The following VWDE variants were observed in gnomAD, a reference collection of about 807,000 sequenced individuals.
VWDE encodes von Willebrand factor D and EGF domain-containing protein.
A neutral mutation model predicts 178.4 loss-of-function variants in VWDE; 207 were observed. That is an observed-to-expected ratio of 1.16 (90% CI 1.04 to 1.30). The LOEUF (loss-of-function observed/expected upper bound fraction) is 1.30, where lower values mean the gene tolerates loss of function less well. VWDE is among the 50% of genes most tolerant of loss of function. The probability of loss-of-function intolerance (pLI) is 0.00; values close to 1 mark genes in which losing one functional copy is unlikely to be tolerated. For missense variants in VWDE, 2,287 were observed against 1,901.3 expected (o/e 1.20, Z -3.77); for synonymous variants, 738 against 651.4 (o/e 1.13, Z -2.02).
In VWDE at chr7:12,337,209, C is replaced by G. The variant is rs200831817; in HGVS notation, c.4430G>C (p.Arg1477Pro). 5.8e-6 allele frequency: 9 copies of G among 1,551,822 alleles called. No individual in the cohort carries two copies. The Middle Eastern group carries it at 5.0e-4, about 86-fold the overall frequency. Residue 1477 changes from arginine (R) to proline (P), a missense_variant, in exon 25 of 29, where the codon CGT (arginine) becomes CCT (proline). Transcript: ENST00000275358. ...HCMRNNVCVC[R>P]EGYTGRRFQK... Reference sequence around the variant, plus strand: ...GAATCTCCTACCAGTGTATCCTTCACGACAGACGCACACATTATTTCTCAT... The same window carrying G: ...GAATCTCCTACCAGTGTATCCTTCAGGACAGACGCACACATTATTTCTCAT...
chr7:12,359,515 G>C lies in VWDE; in HGVS notation c.3274+63C>G. 14 of 1,156,404 alleles carry C rather than the reference G, an allele frequency of 1.2e-5. No homozygotes were observed. The South Asian group carries it at 2.0e-4, about 17-fold the overall frequency. The allele number at this position is 1,156,404 out of a possible 1,614,324, so 71.6% of individuals were successfully genotyped here. A position where few individuals can be genotyped will look rare whatever the true frequency, so the allele number is the denominator to read the frequency against. On this transcript the variant is annotated intron_variant, in intron 16 of 28. Transcript: ENST00000275358. ...CTTAAACACATTTACGTAACTTCTG[G>C]CTGAAAACCACTTTTAAAATGTCTT...
At chr7:12,346,690 T>A (rs1044147463) in intron 19 of VWDE, among the ~76,000 whole-genome samples, 1 of 152,110 alleles carries the variant, frequency 6.6e-6, no homozygotes, top group Non-Finnish European at 1.5e-5. Flanking sequence ...TTTACTTCTT[T>A]GGTATGGAAA....
At chr7:12,388,321 A>G (rs1427212049) in intron 3 of VWDE, among the ~76,000 whole-genome samples, 1 of 152,156 alleles carries the variant, frequency 6.6e-6, no homozygotes, top group East Asian at 1.9e-4. Context: ...CGTTATCACT[A>G]GTAAAGTTAA....
rs1042186083 is a variant in VWDE at position 12,355,144 on chromosome 7, G to A, written c.3745+967C>T. On this transcript the variant is annotated intron_variant, in intron 18 of 28. Coordinates refer to ENST00000275358, the MANE Select transcript of VWDE (RefSeq NM_001135924.3). Reference sequence around the variant, plus strand: ...GATAAAATTTTTGTTTTAAAATGCTGAAGAGGTCAGACCTGTAATCCCAGT... The same window carrying A: ...GATAAAATTTTTGTTTTAAAATGCTAAAGAGGTCAGACCTGTAATCCCAGT... 5.9e-5 allele frequency among the ~76,000 whole-genome samples: 9 copies of A among 152,100 alleles called. 1 individual carries two copies. In the East Asian group the frequency reaches 1.7e-3, roughly 29 times the overall value.
chr7:12,348,683 C>G (rs917752187), intron 19 of VWDE, among the ~76,000 whole-genome samples: 1 of 148,278 alleles, frequency 6.7e-6, no homozygotes, highest in African/African-American at 2.5e-5. Context: ...CCTCAGGGAT[C>G]TAGAACTAGA....
rs1219626419 is a variant in VWDE at position 12,336,121 on chromosome 7, A to G, written c.4654+20T>C. ...TTCCAATTCAGAACATATAGTAGGA[A>G]AAACATCCTGTGGGCTTACGTATTT... On this transcript the variant is annotated intron_variant, in intron 27 of 28. Transcript: ENST00000275358. 3.2e-6 allele frequency: 5 copies of G among 1,543,862 alleles called. No individual in the cohort carries two copies. The highest frequency in any genetic ancestry group is 2.0e-5 in the Admixed American group (1 of 50,326).
At position 12,373,024 on chromosome 7, in the gene VWDE, T is replaced by A. The variant is rs972527210; in HGVS notation, c.1540A>T (p.Thr514Ser). The A allele has an allele frequency of 2.3e-5, 36 of 1,551,134 alleles. No individual in the cohort carries two copies. The highest frequency in any genetic ancestry group is 3.1e-5 in the Non-Finnish European group (35 of 1,146,688). Residue 514 changes from threonine to serine, a missense_variant, in exon 10 of 29, where the codon ACC becomes TCC. Physicochemically the swap from Thr to Ser is moderately conservative, Grantham distance 58. Coordinates refer to ENST00000275358, the MANE Select transcript of VWDE (RefSeq NM_001135924.3). ...GATTCACTTATCTTGATATTCCTGG[T>A]TACATCTTGGCTTTTTATGAACAAA... is the stretch of plus-strand genomic sequence containing the variant. Reference protein sequence around the residue: ...PYLFIKSQDVTRNIKISESYL... With the variant: ...PYLFIKSQDVSRNIKISESYL...
intron 7 of VWDE, 101 bp downstream of exon 7, chr7:12,377,675 T>C (rs1023719970): frequency 4.4e-6 from 3 of 680,078 alleles, no homozygotes; most frequent in East Asian, 6.8e-5. Context: ...ACATGCAACA[T>C]GATTTATTAT....
At position 12,389,331 on chromosome 7, in the gene VWDE, T is replaced by TGG. The variant is rs1297271388; in HGVS notation, c.269_270dup (p.Ile91ProfsTer6). The stretch of plus-strand genomic sequence containing the variant: ...TCTGAATCTCTCAGAGACAGCCAGA[T>TGG]GGGGGCCTGAGTTCCACAATGGTTC... On this transcript the variant is annotated frameshift_variant, in exon 3 of 29. Coordinates refer to ENST00000275358, the MANE Select transcript of VWDE (RefSeq NM_001135924.3). LOFTEE classifies it high-confidence loss of function. The TGG allele has an allele frequency of 1.9e-5, 29 of 1,549,378 alleles. No homozygotes were observed. The East Asian group carries it at 6.4e-4, about 34-fold the overall frequency.
rs1342050514 is a variant in VWDE, at chr7:12,344,205, G to A, written c.4068C>T (p.Thr1356=). 6.4e-6 allele frequency: 10 copies of A among 1,550,466 alleles called. No homozygotes were observed. In the South Asian group the frequency reaches 1.1e-4, roughly 17 times the overall value. ...CQCLPGHGGA[T]CDEEHCNPPC... The stretch of plus-strand genomic sequence containing the variant: ...AATTTGAATTATCACCTTCATCACA[G>A]GTTGCTCCACCATGTCCTGGAAGAC... Residue 1356 remains threonine, a synonymous_variant, in exon 21 of 29, where the codon ACC becomes ACT. Coordinates refer to ENST00000275358, the MANE Select transcript of VWDE (RefSeq NM_001135924.3).
intron 19 of VWDE, among the ~76,000 whole-genome samples, chr7:12,349,557 C>A (rs1781815566): frequency 6.6e-6 from 1 of 151,140 alleles, no homozygotes; most frequent in South Asian, 2.1e-4. Context: ...AAAGACAACA[C>A]AGATAAAGGC....
At chr7:12,371,196 T>C (rs1783178287) in intron 10 of VWDE, among the ~76,000 whole-genome samples, 1 of 152,176 alleles carries the variant, frequency 6.6e-6, no homozygotes, top group African/African-American at 2.4e-5. Context: ...CCAAGTAATG[T>C]TTCTGATAAT....
chr7:12,398,815 TC>T (rs1784745595), intron 1 of VWDE, among the ~76,000 whole-genome samples: 1 of 152,158 alleles, frequency 6.6e-6, no homozygotes, highest in Non-Finnish European at 1.5e-5. Context: ...TACTGCATGT[TC>T]TCGCTTATAA....
At chr7:12,388,991 A>C in intron 3 of VWDE, 136 bp downstream of exon 3, 1 of 780,472 alleles carries the variant, frequency 1.3e-6, no homozygotes, top group South Asian at 1.5e-5. Context: ...ACAGAAATTT[A>C]GCTTCAATCT....
chr7:12,357,013 G>A (rs73678115), intron 17 of VWDE, among the ~76,000 whole-genome samples: 2,557 of 152,196 alleles, frequency 0.017, 62 homozygotes, highest in African/African-American at 0.059. Context: ...CTTTATTCTT[G>A]TCATAGTGAA....
chr7:12,334,439 T>C (rs1780901742), intron 27 of VWDE, among the ~76,000 whole-genome samples: 3 of 104,558 alleles, frequency 2.9e-5, no homozygotes, highest in East Asian at 2.8e-4. Context: ...TTAAGATAAA[T>C]GCAACATTGA....
Position 12,330,985 on chromosome 7 carries a change from A to G in VWDE, c.*198T>C. On this transcript the variant is annotated 3_prime_UTR_variant, in exon 29 of 29. Coordinates refer to ENST00000275358, the MANE Select transcript of VWDE (RefSeq NM_001135924.3). ...AATATCCTATCCCATCTCAACATCA[A>G]ATTTAGATTACCTGGATTTCTTCTT... is the stretch of plus-strand genomic sequence containing the variant. The G allele has an allele frequency of 2.0e-6, 1 of 502,750 alleles. No homozygotes were observed. The highest frequency in any genetic ancestry group is 2.9e-5 in the South Asian group (1 of 35,012). The allele number at this position is 502,750 out of a possible 1,614,324, so 31.1% of individuals were successfully genotyped here.
In VWDE at chr7:12,389,346, C is replaced by A; in HGVS notation, c.256G>T (p.Gly86Ter). The change falls in exon 3 of 29, where the codon GGA (glycine) becomes TGA (stop). Residue 86 changes from glycine (G) to a stop codon, truncating the protein, a stop_gained. Transcript: ENST00000275358. LOFTEE classifies it high-confidence loss of function. ...PTKCVEMNHC[G>*]TQAPIWLSLR... ...GACAGCCAGATGGGGGCCTGAGTTCCACAATGGTTCATCTTTTGCAGGAGA... is the reference window on the plus strand; with the variant it reads ...GACAGCCAGATGGGGGCCTGAGTTCAACAATGGTTCATCTTTTGCAGGAGA... 1 of 1,542,714 alleles carries A rather than the reference C, an allele frequency of 6.5e-7. No homozygotes were observed. Among genetic ancestry groups the A allele is most frequent in the Non-Finnish European group, 8.8e-7 (1 of 1,139,528 alleles).
intron 3 of VWDE, among the ~76,000 whole-genome samples, chr7:12,385,334 A>G (rs1291207607): frequency 6.6e-6 from 1 of 152,186 alleles, no homozygotes; most frequent in African/African-American, 2.4e-5. Flanking sequence ...ACGTCCAAGT[A>G]AAAAATGACA....
Sources: allele counts gnomAD v4.1 joint callset (sites outside exome capture counted in the v4.1 genomes callset), GRCh38; gene constraint gnomAD v4.1.1; transcripts MANE v1.5; gene names NCBI Gene and HGNC (gene_info 2026-07-23, HGNC 2026-07-21).